Variants in FEZ2 observed in about 807,000 individuals in gnomAD.
FEZ2 encodes the protein fasciculation and elongation protein zeta 2.
A neutral mutation model predicts 40.4 loss-of-function variants in FEZ2; 51 were observed. That is an observed-to-expected ratio of 1.26 (90% CI 1.01 to 1.59). FEZ2 has a LOEUF of 1.59. FEZ2 is among the 40% of genes most tolerant of loss of function. The pLI is 0.00. For missense variants in FEZ2, 640 were observed against 438.3 expected (o/e 1.46, Z -4.11); for synonymous variants, 242 against 172.0 (o/e 1.41, Z -3.18).
At chr2:36,583,498 G>A (rs1668813965) in intron 2 of FEZ2, 29 bp from the exon 3 acceptor site, 1 of 1,142,176 alleles carries the variant, frequency 8.8e-7, no homozygotes. Flanking sequence ...ATCATTAAAA[G>A]CAGGACATCC....
At chr2:36,585,357 A>G (rs1484811040) in intron 2 of FEZ2, among the ~76,000 whole-genome samples, 1 of 152,212 alleles carries the variant, frequency 6.6e-6, no homozygotes, top group East Asian at 1.9e-4. Context: ...AAAAGAAAAA[A>G]GATATGTGGT....
chr2:36,567,169 G>A (rs1668268380), intron 5 of FEZ2, among the ~76,000 whole-genome samples: 1 of 151,988 alleles, frequency 6.6e-6, no homozygotes, highest in Non-Finnish European at 1.5e-5. Flanking sequence ...CTCATAAGCT[G>A]AGGCTGTGAC....
rs1558452555 is a variant in FEZ2, at chr2:36,578,867, T to C, written c.635-2A>G. ...CAGACACTGAGAGCCTTTTCACTCC[T>C]GTGACCAAAAGCAAAATACAGCAGA... On this transcript the variant is annotated splice_acceptor_variant, in intron 4 of 7. Coordinates refer to ENST00000405912, the MANE Select transcript of FEZ2 (RefSeq NM_005102.3). LOFTEE classifies it high-confidence loss of function. 1.2e-6 allele frequency: 2 copies of C among 1,603,718 alleles called. No homozygotes were observed. The highest frequency in any genetic ancestry group is 2.2e-5 in the East Asian group (1 of 44,804).
rs140268085 is a variant in FEZ2 at position 36,577,443 on chromosome 2, G to C, written c.903+1154C>G. Among the ~76,000 whole-genome samples the C allele has an allele frequency of 7.4e-4, 113 of 152,242 alleles. 2 individuals are homozygous for C. The East Asian group carries it at 0.02, about 27-fold the overall frequency. On this transcript the variant is annotated intron_variant, in intron 5 of 7. Coordinates refer to ENST00000405912, the MANE Select transcript of FEZ2 (RefSeq NM_005102.3). ...CGGCTAATTTTATATTTTTAGTAGAGACGGGGTTTCTCCATGTTGAGGCTG... is the reference window on the plus strand; with the variant it reads ...CGGCTAATTTTATATTTTTAGTAGACACGGGGTTTCTCCATGTTGAGGCTG...
chr2:36,591,516 T>C (rs75276001), intron 1 of FEZ2: 1,902 of 152,724 alleles, frequency 0.012, 43 homozygotes, highest in African/African-American at 0.044. Context: ...AAAATCTCTC[T>C]CAAACAAAAG....
intron 5 of FEZ2, among the ~76,000 whole-genome samples, chr2:36,569,003 A>G (rs1668332275): frequency 6.6e-6 from 1 of 152,192 alleles, no homozygotes; most frequent in Non-Finnish European, 1.5e-5. Flanking sequence ...TCAGAAAACG[A>G]AAATTCAAGC....
At position 36,552,470 on chromosome 2, in the gene FEZ2, C is replaced by A; in HGVS notation, c.*693G>T. The A allele has an allele frequency of 3.8e-6, 1 of 265,676 alleles. No individual in the cohort carries two copies. Among genetic ancestry groups the A allele is most frequent in the Admixed American group, 5.0e-5 (1 of 20,088 alleles). The allele number at this position is 265,676 out of a possible 1,614,324, so 16.5% of individuals were successfully genotyped here. ...CCTCAGAGGACACACACTTAAAGTACAATTCTTCACAGACACATGAAGCAG... is the reference window on the plus strand; with the variant it reads ...CCTCAGAGGACACACACTTAAAGTAAAATTCTTCACAGACACATGAAGCAG... On this transcript the variant is annotated 3_prime_UTR_variant, in exon 8 of 8. Coordinates refer to ENST00000405912, the MANE Select transcript of FEZ2 (RefSeq NM_005102.3).
intron 6 of FEZ2, 142 bp downstream of exon 6, chr2:36,558,296 T>C (rs546272888): frequency 8.6e-6 from 4 of 467,046 alleles, no homozygotes; most frequent in African/African-American, 2.0e-5. Flanking sequence ...TTTGGCTTCA[T>C]TCTTATAAAA....
At position 36,597,899 on chromosome 2, in the gene FEZ2, G is replaced by T; in HGVS notation, c.244C>A (p.Arg82Ser). The T allele has an allele frequency of 7.2e-7, 1 of 1,393,536 alleles. No individual in the cohort carries two copies. Among genetic ancestry groups the T allele is most frequent in the Non-Finnish European group, 9.2e-7 (1 of 1,081,294 alleles). 86.3% of individuals were successfully genotyped at this position (1,393,536 alleles called of 1,614,324 possible). ...PRTAVRPITE[R>S]SLLQGDEIWN... is the part of the protein sequence containing the mutation. ...CACTCGTCCCCCTGCAGGAGGCTGC[G>T]CTCCGTGATGGGCCGCACGGCCGTC... The change falls in exon 1 of 8, where the codon CGC becomes AGC. Residue 82 changes from arginine to serine, a missense_variant. Coordinates refer to ENST00000405912, the MANE Select transcript of FEZ2 (RefSeq NM_005102.3).
intron 5 of FEZ2, among the ~76,000 whole-genome samples, chr2:36,563,665 G>C (rs929860945): frequency 6.6e-6 from 1 of 151,946 alleles, no homozygotes; most frequent in Non-Finnish European, 1.5e-5. Context: ...CTCTCTACTA[G>C]CTCCTTCCTG....
At chr2:36,553,639 C>G (rs1300084483) in intron 7 of FEZ2, among the ~76,000 whole-genome samples, 1 of 152,150 alleles carries the variant, frequency 6.6e-6, no homozygotes, top group African/African-American at 2.4e-5. Context: ...GGTCATTAGG[C>G]AGGTGCGAGA....
intron 2 of FEZ2, among the ~76,000 whole-genome samples, chr2:36,588,999 G>A (rs1468933211): frequency 3.3e-5 from 5 of 152,030 alleles, no homozygotes; most frequent in Non-Finnish European, 7.4e-5. Flanking sequence ...GGTGCATTCT[G>A]CATTATTTTA....
intron 5 of FEZ2, among the ~76,000 whole-genome samples, chr2:36,573,049 T>A (rs530292547): frequency 1.3e-5 from 2 of 152,350 alleles, no homozygotes; most frequent in Admixed American, 6.5e-5. Flanking sequence ...GTTGTCCGTA[T>A]AAACTTTTTC....
In FEZ2 at chr2:36,585,989, A is replaced by C. The variant is rs547939775; in HGVS notation, c.376-2520T>G. Among the ~76,000 whole-genome samples, 13 of 152,368 alleles carry C rather than the reference A, an allele frequency of 8.5e-5. No individual in the cohort carries two copies. The South Asian group carries it at 2.7e-3, about 32-fold the overall frequency. Reference sequence around the variant, plus strand: ...CCTCTGGTAAGGAGAAATCAAGTGGAGCAGAGACTGCCTTTTCATTTAAGT... The same window carrying C: ...CCTCTGGTAAGGAGAAATCAAGTGGCGCAGAGACTGCCTTTTCATTTAAGT... On this transcript the variant is annotated intron_variant, in intron 2 of 7. Coordinates refer to ENST00000405912, the MANE Select transcript of FEZ2 (RefSeq NM_005102.3).
intron 3 of FEZ2, 104 bp from the exon 4 acceptor site, chr2:36,581,535 T>A: frequency 1.0e-6 from 1 of 965,498 alleles, no homozygotes; most frequent in Non-Finnish European, 1.6e-6. Context: ...ATGCACTGAA[T>A]TCTCCATTAA....
chr2:36,555,661 C>A (rs751786873), intron 7 of FEZ2, 22 bp downstream of exon 7: 12 of 1,475,664 alleles, frequency 8.1e-6, no homozygotes, highest in Non-Finnish European at 1.1e-5. Flanking sequence ...AGCCATCGCA[C>A]CTATACCATT....
At chr2:36,556,428 T>C (rs1451121827) in intron 6 of FEZ2, 2 of 152,882 alleles carry the variant, frequency 1.3e-5, no homozygotes, top group African/African-American at 4.8e-5. Flanking sequence ...ACCATTCAGG[T>C]TGAGATAAAC....
intron 5 of FEZ2, among the ~76,000 whole-genome samples, chr2:36,566,924 A>T (rs1668256724): frequency 1.3e-5 from 2 of 149,656 alleles, no homozygotes; most frequent in Non-Finnish European, 3.0e-5. Context: ...TAAGCAAATT[A>T]AAAACACACA....
At chr2:36,589,105 AG>A (rs1668994500) in intron 2 of FEZ2, among the ~76,000 whole-genome samples, 1 of 152,240 alleles carries the variant, frequency 6.6e-6, no homozygotes. Context: ...CTCAATAAAA[AG>A]GTATCTTCAA....
Sources: allele counts gnomAD v4.1 joint callset (sites outside exome capture counted in the v4.1 genomes callset), GRCh38; gene constraint gnomAD v4.1.1; transcripts MANE v1.5; gene names NCBI Gene and HGNC (gene_info 2026-07-23, HGNC 2026-07-21).